The following LRP1B variants were observed in gnomAD, a reference collection of about 807,000 sequenced individuals.
LRP1B encodes LDL receptor related protein 1B.
In LRP1B, 217 loss-of-function variants were observed where a neutral mutation model predicts 556.6. The observed-to-expected ratio is 0.39, with a 90% CI of 0.35 to 0.44. LRP1B has a LOEUF of 0.44. LRP1B is among the 20% of genes least tolerant of loss of function. The pLI is 1.00. For synonymous variants in LRP1B, 2,047 were observed against 1,865.8 expected, an observed-to-expected ratio of 1.10 and a Z score of -2.50; for missense variants, 5,053 against 5,620.8, an observed-to-expected ratio of 0.90 and a Z score of 3.23.
chr2:140,307,923 T>C (rs1034173910), intron 83 of LRP1B, among the ~76,000 whole-genome samples: 3 of 151,828 alleles, frequency 2.0e-5, no homozygotes, highest in African/African-American at 7.2e-5. Flanking sequence ...CTAAGGACTT[T>C]AGCAGAATTC....
In LRP1B at chr2:140,370,751, T is replaced by C. The variant is rs772373429; in HGVS notation, c.10967A>G (p.His3656Arg). Residue 3656 changes from histidine to arginine, a missense_variant, in exon 71 of 91, where the codon CAT (histidine) becomes CGT (arginine). Around this residue, in one of 5 missense-constraint regions of LRP1B, gnomAD observed 599 missense variants for 648.4 expected, o/e 0.92. Transcript: ENST00000389484. The stretch of plus-strand genomic sequence containing the variant: ...TTCATCACTGCCATCCACACAGTCA[T>C]GAATTCCATCACACAGCCATCTAAT... ...IPIRWLCDGIHDCVDGSDEEN... is the reference protein window; with the variant it reads ...IPIRWLCDGIRDCVDGSDEEN... 2 of 1,613,004 alleles carry C rather than the reference T, an allele frequency of 1.2e-6. No individual in the cohort carries two copies. Among genetic ancestry groups the C allele is most frequent in the Non-Finnish European group, 1.7e-6 (2 of 1,179,228 alleles).
At chr2:141,859,777 G>A (rs1314703002) in intron 1 of LRP1B, among the ~76,000 whole-genome samples, 3 of 152,078 alleles carry the variant, frequency 2.0e-5, no homozygotes, top group Non-Finnish European at 4.4e-5. Flanking sequence ...GTACAATTAT[G>A]TGTCCAAAAG....
In LRP1B at chr2:140,295,026, G is replaced by A. The variant is rs527526147; in HGVS notation, c.12967+2782C>T. Among the ~76,000 whole-genome samples, 117 of 152,090 alleles carry A rather than the reference G, an allele frequency of 7.7e-4. 1 individual carries two copies. The highest frequency in any genetic ancestry group is 1.1e-3 in the Non-Finnish European group (74 of 67,964). ...CTAGTAGCTGGGACTACAGGTGCCC[G>A]CCACTGCGCCCGGCTAGTTTTTTGT... On this transcript the variant is annotated intron_variant, in intron 84 of 90. Coordinates refer to ENST00000389484, the MANE Select transcript of LRP1B (RefSeq NM_018557.3).
At chr2:141,600,511 T>C (rs1263695433) in intron 2 of LRP1B, among the ~76,000 whole-genome samples, 2 of 152,068 alleles carry the variant, frequency 1.3e-5, no homozygotes, top group African/African-American at 4.8e-5. Flanking sequence ...TGAGTATCTG[T>C]TGGCATCAGG....
chr2:140,776,053 C>T (rs1181319189), intron 33 of LRP1B, 45 bp downstream of exon 33: 2 of 1,428,386 alleles, frequency 1.4e-6, no homozygotes, highest in Non-Finnish European at 1.9e-6. Context: ...AAAAAGAGCA[C>T]ATTACGTATT....
chr2:140,830,298 T>C lies in LRP1B; in HGVS notation c.5209+9693A>G, dbSNP rs138752987. Among the ~76,000 whole-genome samples, 895 of 151,872 alleles carry C rather than the reference T, an allele frequency of 5.9e-3. 12 individuals are homozygous for C. The highest frequency in any genetic ancestry group is 0.011 in the Non-Finnish European group (720 of 67,746). On this transcript the variant is annotated intron_variant, in intron 31 of 90. Coordinates refer to ENST00000389484, the MANE Select transcript of LRP1B (RefSeq NM_018557.3). ...TTCCCTGATGTTAAAACCAAAGACA[T>C]GACAAAAACTAGGAAAACTATATCC...
At chr2:141,942,121 G>T (rs1700825025) in intron 1 of LRP1B, among the ~76,000 whole-genome samples, 1 of 152,098 alleles carries the variant, frequency 6.6e-6, no homozygotes, top group Admixed American at 6.6e-5. Context: ...GTTCATCTGG[G>T]TTAAAATTCT....
intron 35 of LRP1B, among the ~76,000 whole-genome samples, chr2:140,745,137 A>C (rs546520267): frequency 6.6e-6 from 1 of 152,146 alleles, no homozygotes; most frequent in Non-Finnish European, 1.5e-5. Flanking sequence ...ATTCTTGAAA[A>C]CTAAGAGATA....
intron 1 of LRP1B, among the ~76,000 whole-genome samples, chr2:142,100,252 G>A (rs1317941096): frequency 6.6e-6 from 1 of 151,782 alleles, no homozygotes; most frequent in Non-Finnish European, 1.5e-5. Context: ...AGATATCAGG[G>A]GGCCCAAGGC....
chr2:140,545,657 A>G (rs1416420718), intron 43 of LRP1B, among the ~76,000 whole-genome samples: 1 of 151,898 alleles, frequency 6.6e-6, no homozygotes, highest in African/African-American at 2.4e-5. Flanking sequence ...CAGTTTTTGT[A>G]TGAGTATCTT....
chr2:140,824,380 G>A (rs1376332369), intron 31 of LRP1B, among the ~76,000 whole-genome samples: 3 of 151,902 alleles, frequency 2.0e-5, no homozygotes, highest in Non-Finnish European at 4.4e-5. Flanking sequence ...AAAATTTTTT[G>A]ATTTCATCTT....
chr2:142,125,097 A>G (rs1325919237), intron 1 of LRP1B, among the ~76,000 whole-genome samples: 1 of 151,860 alleles, frequency 6.6e-6, no homozygotes, highest in Non-Finnish European at 1.5e-5. Context: ...AATTTAGAAC[A>G]GAGCAATACA....
chr2:140,247,473 T>C (rs1274673925), intron 86 of LRP1B, among the ~76,000 whole-genome samples: 1 of 151,528 alleles, frequency 6.6e-6, no homozygotes, highest in African/African-American at 2.4e-5. Flanking sequence ...GATTTGAGAG[T>C]TATGGAAAAT....
At chr2:141,002,426 C>T (rs866645768) in intron 15 of LRP1B, among the ~76,000 whole-genome samples, 2 of 151,938 alleles carry the variant, frequency 1.3e-5, no homozygotes, top group Non-Finnish European at 2.9e-5. Context: ...AGTCATCCCT[C>T]GATATCCAGG....
chr2:140,271,407 T>A (rs935418689), intron 85 of LRP1B, among the ~76,000 whole-genome samples: 3 of 151,954 alleles, frequency 2.0e-5, no homozygotes, highest in African/African-American at 7.2e-5. Flanking sequence ...ATCCTCCCCA[T>A]GATGGATATC....
chr2:140,789,161 A>G (rs1690018212), intron 32 of LRP1B, among the ~76,000 whole-genome samples: 1 of 152,212 alleles, frequency 6.6e-6, no homozygotes, highest in Admixed American at 6.5e-5. Context: ...GAAAATATTA[A>G]CAAGAGTCTG....
At chr2:141,285,378 C>T (rs947761757) in intron 3 of LRP1B, among the ~76,000 whole-genome samples, 3 of 151,214 alleles carry the variant, frequency 2.0e-5, no homozygotes, top group South Asian at 2.1e-4. Flanking sequence ...TGAGCTACCA[C>T]GCCTGGCCTC....
intron 63 of LRP1B, among the ~76,000 whole-genome samples, chr2:140,450,335 A>C (rs967052571): frequency 6.6e-6 from 1 of 152,280 alleles, no homozygotes; most frequent in Non-Finnish European, 1.5e-5. Flanking sequence ...AGAAAGAAAC[A>C]AAATCTAACA....
At chr2:141,468,379 T>C (rs886958691) in intron 3 of LRP1B, among the ~76,000 whole-genome samples, 2 of 152,186 alleles carry the variant, frequency 1.3e-5, no homozygotes, top group South Asian at 2.1e-4. Context: ...GGATAAGTTA[T>C]TTTTAATTCT....
Sources: gnomAD v4.1 joint callset for allele counts (sites outside exome capture counted in the v4.1 genomes callset) on GRCh38, gnomAD v4.1.1 for gene constraint, gnomAD v4.1.1 regional missense constraint, MANE v1.5 for transcripts, NCBI Gene and HGNC (gene_info 2026-07-23, HGNC 2026-07-21) for gene names.